The following CHL1 variants were observed in gnomAD, a reference collection of about 807,000 sequenced individuals.
CHL1 encodes neural cell adhesion molecule L1-like protein.
In CHL1, 96 loss-of-function variants were observed where a neutral mutation model predicts 141.9. The observed-to-expected ratio is 0.68, with a 90% CI of 0.57 to 0.80. CHL1 has a LOEUF of 0.80. CHL1 is among the 30% of genes least tolerant of loss of function. CHL1 has a pLI of 0.00. For missense variants in CHL1, 1,820 were observed against 1,457.2 expected, an observed-to-expected ratio of 1.25 and a Z score of -4.05; for synonymous variants, 613 against 502.2, an observed-to-expected ratio of 1.22 and a Z score of -2.95.
At position 405,848 on chromosome 3, in the gene CHL1, T is replaced by A. The variant is rs188727402; in HGVS notation, c.*137T>A. 94 of 633,782 alleles carry A rather than the reference T, an allele frequency of 1.5e-4. No homozygotes were observed. In the East Asian group the frequency reaches 2.6e-3, roughly 17 times the overall value. The allele number at this position is 633,782 out of a possible 1,614,324, so 39.3% of individuals were successfully genotyped here. On this transcript the variant is annotated 3_prime_UTR_variant, in exon 28 of 28. Coordinates refer to ENST00000256509, the MANE Select transcript of CHL1 (RefSeq NM_006614.4). ...TCCAGAAGTCAACATCCTGCAATTA[T>A]GTTGAAAAGAGTAGTACTTTCTTCA...
intron 2 of CHL1, among the ~76,000 whole-genome samples, chr3:314,075 C>T (rs1699960193): frequency 6.6e-6 from 1 of 151,864 alleles, no homozygotes; most frequent in Non-Finnish European, 1.5e-5. Context: ...TTAAGAAAGT[C>T]TTTTTTTCTG....
intron 23 of CHL1, among the ~76,000 whole-genome samples, chr3:394,330 G>C (rs927132325): frequency 6.6e-6 from 1 of 151,986 alleles, no homozygotes; most frequent in African/African-American, 2.4e-5. Flanking sequence ...TGAAAATATA[G>C]CAATGGGGAA....
At chr3:299,320 A>G (rs1333506483) in intron 2 of CHL1, among the ~76,000 whole-genome samples, 1 of 152,216 alleles carries the variant, frequency 6.6e-6, no homozygotes, top group African/African-American at 2.4e-5. Context: ...TGGGTAAATA[A>G]CAAGATGAAA....
At chr3:314,351 A>C (rs1256555968) in intron 2 of CHL1, among the ~76,000 whole-genome samples, 2 of 110,962 alleles carry the variant, frequency 1.8e-5, no homozygotes, top group South Asian at 2.5e-4. Flanking sequence ...ATATATATAT[A>C]TATATATATA....
chr3:388,886 G>T (rs917370156), intron 19 of CHL1, among the ~76,000 whole-genome samples: 10 of 152,204 alleles, frequency 6.6e-5, no homozygotes, highest in Admixed American at 5.9e-4. Context: ...ATTTCAGCCT[G>T]TTCTTTGAAA....
chr3:250,883 G>A (rs974272554), intron 2 of CHL1, among the ~76,000 whole-genome samples: 2 of 152,050 alleles, frequency 1.3e-5, no homozygotes, highest in Non-Finnish European at 2.9e-5. Context: ...TAGTTTGTAG[G>A]AATTAAGCAT....
At chr3:345,669 G>C (rs564095216) in intron 9 of CHL1, among the ~76,000 whole-genome samples, 3 of 151,942 alleles carry the variant, frequency 2.0e-5, no homozygotes, top group Non-Finnish European at 4.4e-5. Flanking sequence ...ATTTTTAGTA[G>C]AGACAGGGTT....
chr3:405,830 G>A lies in CHL1; in HGVS notation c.*119G>A. On this transcript the variant is annotated 3_prime_UTR_variant, in exon 28 of 28. Coordinates refer to ENST00000256509, the MANE Select transcript of CHL1 (RefSeq NM_006614.4). ...TGCTGGCCGAAGATTTCATCCAGAA[G>A]TCAACATCCTGCAATTATGTTGAAA... 1.5e-6 allele frequency: 1 copy of A among 683,226 alleles called. No individual in the cohort carries two copies. Among genetic ancestry groups the A allele is most frequent in the Non-Finnish European group, 2.5e-6 (1 of 400,738 alleles). The allele number at this position is 683,226 out of a possible 1,614,324, so 42.3% of individuals were successfully genotyped here.
chr3:238,401 G>C (rs1260569977), intron 1 of CHL1, among the ~76,000 whole-genome samples: 1 of 146,334 alleles, frequency 6.8e-6, no homozygotes, highest in Non-Finnish European at 1.5e-5. Flanking sequence ...ATTGAGATCA[G>C]ATACATTTTT....
At chr3:275,046 C>A (rs934085816) in intron 2 of CHL1, among the ~76,000 whole-genome samples, 1 of 152,214 alleles carries the variant, frequency 6.6e-6, no homozygotes, top group Non-Finnish European at 1.5e-5. Flanking sequence ...CTCACCACTG[C>A]AACTTCGTTG....
intron 16 of CHL1, 59 bp from the exon 17 acceptor site, chr3:382,120 G>C: frequency 6.8e-7 from 1 of 1,468,008 alleles, no homozygotes. Flanking sequence ...ATGTGTCTGA[G>C]GAAGGGAATC....
At chr3:258,759 C>T (rs747819699) in intron 2 of CHL1, among the ~76,000 whole-genome samples, 24 of 152,080 alleles carry the variant, frequency 1.6e-4, no homozygotes, top group Non-Finnish European at 2.6e-4. Flanking sequence ...GTGGGACAAA[C>T]GAAAGTGAGA....
intron 3 of CHL1, among the ~76,000 whole-genome samples, chr3:320,672 T>C (rs923491793): frequency 6.6e-6 from 1 of 151,918 alleles, no homozygotes; most frequent in Non-Finnish European, 1.5e-5. Context: ...CACGCCAACC[T>C]GGACAATATA....
chr3:360,285 T>C lies in CHL1; in HGVS notation c.1167T>C (p.Asn389=), dbSNP rs751716065. 5.6e-6 allele frequency: 9 copies of C among 1,613,616 alleles called. No homozygotes were observed. Among genetic ancestry groups the C allele is most frequent in the Admixed American group, 1.7e-5 (1 of 59,960 alleles). ...CTGACATTCTTTAATCTCTTTCAGA[T>C]CATCCATTTGCTGGTGATGTTGTCT... ...KWRVNGSPVD[N]HPFAGDVVFP... is the part of the protein sequence containing the mutation. The change falls in exon 12 of 28, where the codon AAT becomes AAC. Residue 389 remains asparagine (N), a splice_region_variant and synonymous_variant. Transcript: ENST00000256509.
Position 264,329 on chromosome 3 carries a change from C to G in CHL1, c.-95+19637C>G, listed in dbSNP as rs1375100105. ...TTTTAAAGAAGAATTTATAGATCCTCTATTCTGTATTCCAGTAGAAATAAT... is the reference window on the plus strand; with the variant it reads ...TTTTAAAGAAGAATTTATAGATCCTGTATTCTGTATTCCAGTAGAAATAAT... On this transcript the variant is annotated intron_variant, in intron 2 of 27. Transcript: ENST00000256509. Among the ~76,000 whole-genome samples the G allele has an allele frequency of 4.6e-5, 7 of 152,240 alleles. No individual in the cohort carries two copies. In the East Asian group the frequency reaches 1.2e-3, roughly 25 times the overall value.
intron 2 of CHL1, among the ~76,000 whole-genome samples, chr3:298,438 T>A (rs1698409943): frequency 6.6e-6 from 1 of 152,182 alleles, no homozygotes; most frequent in Non-Finnish European, 1.5e-5. Flanking sequence ...CTAGGTGACA[T>A]GTGCAGTTTA....
At chr3:339,338 T>C (rs905304754) in intron 5 of CHL1, among the ~76,000 whole-genome samples, 3 of 152,266 alleles carry the variant, frequency 2.0e-5, no homozygotes, top group Non-Finnish European at 2.9e-5. Flanking sequence ...CATGATGTTT[T>C]ATCTACAAGC....
In CHL1 at chr3:382,684, T is replaced by C. The variant is rs373078974; in HGVS notation, c.2176+13T>C. On this transcript the variant is annotated intron_variant, in intron 18 of 27. Coordinates refer to ENST00000256509, the MANE Select transcript of CHL1 (RefSeq NM_006614.4). Reference sequence around the variant, plus strand: ...ACACCACCAGCAGGTATGCAGGTTCTCACATCAGGTTTCTAACAAAATATT... The same window carrying C: ...ACACCACCAGCAGGTATGCAGGTTCCCACATCAGGTTTCTAACAAAATATT... 1 of 1,609,946 alleles carries C rather than the reference T, an allele frequency of 6.2e-7. No homozygotes were observed. Among genetic ancestry groups the C allele is most frequent in the African/African-American group, 1.3e-5 (1 of 74,774 alleles).
chr3:219,074 G>T (rs911576194), intron 1 of CHL1, among the ~76,000 whole-genome samples: 4 of 69,240 alleles, frequency 5.8e-5, no homozygotes, highest in Middle Eastern at 9.6e-3. Flanking sequence ...GCATGAACCC[G>T]GGAGGTGGAG....
Sources: allele counts gnomAD v4.1 joint callset (sites outside exome capture counted in the v4.1 genomes callset), GRCh38; gene constraint gnomAD v4.1.1; transcripts MANE v1.5; gene names NCBI Gene and HGNC (gene_info 2026-07-23, HGNC 2026-07-21).